Variants in LDB3 observed in about 807,000 individuals in gnomAD.
The protein encoded by LDB3 is LIM domain-binding protein 3.
A neutral mutation model predicts 69.0 loss-of-function variants in LDB3; 49 were observed. The ratio of observed to expected loss-of-function variants is 0.71; its 90% CI spans 0.56 to 0.90. The LOEUF (loss-of-function observed/expected upper bound fraction) is 0.90. Ranked by LOEUF, LDB3 falls within the 40% of genes least tolerant of loss-of-function variation. LDB3 has a pLI of 0.00. For synonymous variants in LDB3, 387 were observed against 396.2 expected, an observed-to-expected ratio of 0.98 and a Z score of 0.28; for missense variants, 928 against 974.1, an observed-to-expected ratio of 0.95 and a Z score of 0.63.
chr10:86,696,752 C>G (rs751564153), intron 7 of LDB3, among the ~76,000 whole-genome samples: 3 of 152,276 alleles, frequency 2.0e-5, no homozygotes, highest in South Asian at 2.1e-4. Flanking sequence ...TCAAGGAGCC[C>G]CACCACATGG....
At position 86,680,257 on chromosome 10, in the gene LDB3, G is replaced by A. The variant is rs907789393; in HGVS notation, c.321+100G>A. The A allele has an allele frequency of 6.5e-6, 7 of 1,084,996 alleles. No homozygotes were observed. In the African/African-American group the frequency reaches 1.1e-4, roughly 17 times the overall value. The allele number at this position is 1,084,996 out of a possible 1,614,324, so 67.2% of individuals were successfully genotyped here. On this transcript the variant is annotated intron_variant, in intron 4 of 13. Transcript: ENST00000361373. ...TCTTTGGCTGGCCCAACTGGGATGA[G>A]GCCGTGGGATCAGCCCTGCCCCATC...
At chr10:86,724,951 G>A (rs1257536623) in intron 12 of LDB3, among the ~76,000 whole-genome samples, 2 of 152,188 alleles carry the variant, frequency 1.3e-5, no homozygotes, top group Non-Finnish European at 1.5e-5. Context: ...ATAGAGTTGG[G>A]ATTTGAACCC....
At chr10:86,679,625 C>A in intron 3 of LDB3, 107 bp downstream of exon 3, 1 of 1,284,618 alleles carries the variant, frequency 7.8e-7, no homozygotes, top group Non-Finnish European at 1.1e-6. Context: ...CCGCCCTGGG[C>A]TACAAAACTG....
rs748760391 is a variant in LDB3, at chr10:86,716,609, G to A, written c.1514G>A (p.Ser505Asn). The A allele has an allele frequency of 1.2e-6, 2 of 1,613,896 alleles. No homozygotes were observed. The highest frequency in any genetic ancestry group is 1.7e-5 in the Admixed American group (1 of 60,006). ...SFSQKFAPGK[S>N]TTSISKQTLP... ...TCCCAGAAGTTTGCCCCGGGCAAGA[G>A]CACCACCTCCATCAGCAAGCAGACC... The change falls in exon 10 of 14, where the codon AGC becomes AAC. Residue 505 changes from serine (S) to asparagine (N), a missense_variant. Ser to Asn is a conservative substitution (Grantham distance 46, BLOSUM62 1). Coordinates refer to ENST00000361373, the MANE Select transcript of LDB3 (RefSeq NM_007078.3).
intron 7 of LDB3, among the ~76,000 whole-genome samples, chr10:86,696,691 C>T (rs1056662222): frequency 1.3e-5 from 2 of 152,206 alleles, no homozygotes; most frequent in Admixed American, 1.3e-4. Context: ...CCTGTGTCCT[C>T]GGTAGTGTCT....
chr10:86,696,617 C>G (rs1366662421), intron 7 of LDB3, among the ~76,000 whole-genome samples: 1 of 152,206 alleles, frequency 6.6e-6, no homozygotes, highest in Non-Finnish European at 1.5e-5. Flanking sequence ...TATCACCCAG[C>G]CTCCACAGGC....
Position 86,668,684 on chromosome 10 carries a change from GC to G in LDB3, c.-7del. The G allele has an allele frequency of 6.2e-7, 1 of 1,611,980 alleles. No homozygotes were observed. The highest frequency in any genetic ancestry group is 8.5e-7 in the Non-Finnish European group (1 of 1,178,742). ...TTGTCTGCAGAGGCGGCCGCTGACAGCACCAGCATGTCTTACAGTGTGACCC... is the reference window on the plus strand; with the variant it reads ...TTGTCTGCAGAGGCGGCCGCTGACAGACCAGCATGTCTTACAGTGTGACCC... On this transcript the variant is annotated 5_prime_UTR_variant, in exon 2 of 14. Coordinates refer to ENST00000361373, the MANE Select transcript of LDB3 (RefSeq NM_007078.3).
At chr10:86,678,624 C>T (rs1024187881) in intron 2 of LDB3, among the ~76,000 whole-genome samples, 10 of 152,148 alleles carry the variant, frequency 6.6e-5, no homozygotes, top group Non-Finnish European at 1.3e-4. Flanking sequence ...AGGCGTGAGC[C>T]ACCACGCCCA....
intron 10 of LDB3, among the ~76,000 whole-genome samples, chr10:86,717,050 A>G (rs1489735759): frequency 6.6e-6 from 1 of 152,198 alleles, no homozygotes; most frequent in Non-Finnish European, 1.5e-5. Context: ...CCCTTGGGCT[A>G]AGGTTGAGGT....
chr10:86,722,700 GGGATTACA>G (rs1393866064), intron 12 of LDB3, among the ~76,000 whole-genome samples: 1 of 149,936 alleles, frequency 6.7e-6, no homozygotes, highest in African/African-American at 2.4e-5. Context: ...CCAAGTAGCT[GGGATTACA>G]GGCTCCCACC....
intron 2 of LDB3, among the ~76,000 whole-genome samples, chr10:86,671,710 G>A (rs1844488551): frequency 6.6e-6 from 1 of 152,212 alleles, no homozygotes; most frequent in Admixed American, 6.5e-5. Flanking sequence ...TGCCTCTCAT[G>A]CCTCCGCCTT....
At chr10:86,715,779 G>A (rs1846844785) in intron 9 of LDB3, among the ~76,000 whole-genome samples, 1 of 152,086 alleles carries the variant, frequency 6.6e-6, no homozygotes, top group Admixed American at 6.5e-5. Context: ...AAGCCAAGCT[G>A]TTTTTCAAGA....
At chr10:86,683,772 A>G (rs1478346348) in intron 5 of LDB3, among the ~76,000 whole-genome samples, 1 of 152,124 alleles carries the variant, frequency 6.6e-6, no homozygotes, top group African/African-American at 2.4e-5. Context: ...TGAGGCCACC[A>G]CCTATGCTAA....
At chr10:86,686,964 C>A in intron 5 of LDB3, 1 of 1,014,466 alleles carries the variant, frequency 9.9e-7, no homozygotes, top group South Asian at 1.3e-5. Flanking sequence ...AGATCTCTCT[C>A]GACACCCACC....
At chr10:86,732,840 A>G (rs752325327) in intron 13 of LDB3, 47 bp from the exon 14 acceptor site, 4 of 1,475,816 alleles carry the variant, frequency 2.7e-6, no homozygotes, top group East Asian at 4.6e-5. Context: ...AAATCTGCTC[A>G]TGCCCTGTGC....
At chr10:86,706,804 G>T (rs1846463356) in intron 8 of LDB3, 85 bp downstream of exon 8, 3 of 1,437,200 alleles carry the variant, frequency 2.1e-6, no homozygotes, top group Non-Finnish European at 2.8e-6. Flanking sequence ...GGCCAGCTGT[G>T]TCCAAGGTAG....
intron 5 of LDB3, among the ~76,000 whole-genome samples, chr10:86,685,975 G>A (rs1160477262): frequency 2.0e-5 from 3 of 152,136 alleles, no homozygotes; most frequent in Non-Finnish European, 2.9e-5. Flanking sequence ...GGTTGGTGAC[G>A]GTGGCGGGCG....
At chr10:86,701,500 G>A (rs1477957974) in intron 7 of LDB3, among the ~76,000 whole-genome samples, 1 of 152,226 alleles carries the variant, frequency 6.6e-6, no homozygotes, top group African/African-American at 2.4e-5. Flanking sequence ...GTATAAGCAG[G>A]AGAGATGTTC....
chr10:86,682,917 C>T (rs1414648957), intron 5 of LDB3, among the ~76,000 whole-genome samples: 1 of 152,134 alleles, frequency 6.6e-6, no homozygotes, highest in Non-Finnish European at 1.5e-5. Context: ...CAGGTCACTG[C>T]TCCCTGTGGC....
Sources: allele counts gnomAD v4.1 joint callset (sites outside exome capture counted in the v4.1 genomes callset), GRCh38; gene constraint gnomAD v4.1.1; transcripts MANE v1.5; gene names NCBI Gene and HGNC (gene_info 2026-07-23, HGNC 2026-07-21).